CNBD1: variants seen among roughly 807,000 people sequenced by gnomAD.
The protein encoded by CNBD1 is cyclic nucleotide-binding domain-containing protein 1.
Under a neutral mutation model 54.4 loss-of-function variants are expected in CNBD1, and 71 were observed. That is an observed-to-expected ratio of 1.30 (90% CI 1.08 to 1.59). CNBD1 has a LOEUF of 1.59. Ranked by LOEUF, CNBD1 falls within the 40% of genes most tolerant of loss-of-function variation. The pLI is 0.00. For missense variants in CNBD1, 659 were observed against 518.0 expected (o/e 1.27, Z -2.64); for synonymous variants, 182 against 170.7 (o/e 1.07, Z -0.51).
intron 2 of CNBD1, among the ~76,000 whole-genome samples, chr8:87,405,107 G>T (rs1403225428): frequency 6.6e-6 from 1 of 151,920 alleles, no homozygotes; most frequent in Non-Finnish European, 1.5e-5. Context: ...TGATTCTGTC[G>T]AAAGTTGTAC....
intron 3 of CNBD1, among the ~76,000 whole-genome samples, chr8:86,923,884 C>G (rs1197381513): frequency 1.3e-5 from 2 of 152,138 alleles, no homozygotes; most frequent in African/African-American, 4.8e-5. Flanking sequence ...AAAGGGAGAG[C>G]TTTACACTTT....
intron 4 of CNBD1, among the ~76,000 whole-genome samples, chr8:86,995,378 C>A (rs1480917908): frequency 2.0e-5 from 3 of 152,112 alleles, no homozygotes; most frequent in African/African-American, 7.2e-5. Flanking sequence ...GGTAAATCAA[C>A]AAGTGAGAGT....
intron 5 of CNBD1, among the ~76,000 whole-genome samples, chr8:87,218,008 G>A (rs886599662): frequency 1.3e-5 from 2 of 152,030 alleles, no homozygotes; most frequent in Non-Finnish European, 2.9e-5. Flanking sequence ...TCTTTTGGTG[G>A]TATAGGTGCT....
Position 87,398,233 on chromosome 8 carries a change from G to A in CNBD1, c.214-30313G>A, listed in dbSNP as rs565084974. 4.8e-5 allele frequency among the ~76,000 whole-genome samples: 6 copies of A among 125,938 alleles called. No individual in the cohort carries two copies. In the East Asian group the frequency reaches 8.1e-4, roughly 17 times the overall value. 82.6% of individuals were successfully genotyped at this position (125,938 alleles called of 152,430 possible). A position where few individuals can be genotyped will look rare whatever the true frequency, so the allele number is the denominator to read the frequency against. On this transcript the variant is annotated intron_variant, in intron 2 of 7. Transcript: ENST00000521593. ...TTATTTTCTTATAAATCTATTTTCT[G>A]GAGATATCTAAGCATTCATGTATAG...
intron 6 of CNBD1, among the ~76,000 whole-genome samples, chr8:87,255,982 TATATATATATATATATATATATATATATA>T (rs1808000850): frequency 1.1e-4 from 1 of 9,064 alleles, no homozygotes; most frequent in Non-Finnish European, 2.0e-4. Flanking sequence ...AATATATATA[TATATATATATATATATATATATATATATA>T]TATATTTTTT....
intron 4 of CNBD1, among the ~76,000 whole-genome samples, chr8:87,161,641 T>G (rs1205151468): frequency 6.6e-6 from 1 of 152,200 alleles, no homozygotes; most frequent in South Asian, 2.1e-4. Context: ...AATAATAAAT[T>G]TGATGAGTTT....
Position 87,219,045 on chromosome 8 carries a change from T to C in CNBD1, c.577+12907T>C, listed in dbSNP as rs980130867. Among the ~76,000 whole-genome samples, 18 of 152,106 alleles carry C rather than the reference T, an allele frequency of 1.2e-4. No individual in the cohort carries two copies. In the East Asian group the frequency reaches 3.1e-3, roughly 26 times the overall value. On this transcript the variant is annotated intron_variant, in intron 5 of 10. Transcript: ENST00000518476. ...ATAATAAGAAACTGTTTTCCTTCTC[T>C]GGAAATTTTTAATGTAAACAAAATA...
intron 3 of CNBD1, among the ~76,000 whole-genome samples, chr8:86,910,051 T>C (rs1406370012): frequency 1.3e-5 from 2 of 152,200 alleles, no homozygotes; most frequent in African/African-American, 4.8e-5. Context: ...AATAATAATT[T>C]AAGCACGATT....
At chr8:86,925,263 G>C (rs187840664) in intron 3 of CNBD1, among the ~76,000 whole-genome samples, 3 of 152,226 alleles carry the variant, frequency 2.0e-5, no homozygotes, top group South Asian at 2.1e-4. Context: ...TATTTCCCTC[G>C]TTTGGTACTA....
intron 2 of CNBD1, among the ~76,000 whole-genome samples, chr8:87,402,159 A>C (rs562798757): frequency 2.0e-5 from 3 of 152,066 alleles, no homozygotes; most frequent in Non-Finnish European, 4.4e-5. Context: ...CCTTTTATAA[A>C]ACCATCAAAT....
At chr8:87,088,059 A>T (rs1253227336) in intron 4 of CNBD1, among the ~76,000 whole-genome samples, 3 of 152,232 alleles carry the variant, frequency 2.0e-5, no homozygotes. Flanking sequence ...CTGCAGTAAT[A>T]CATTGATGGC....
At chr8:87,103,812 C>T (rs892289221) in intron 4 of CNBD1, among the ~76,000 whole-genome samples, 2 of 152,082 alleles carry the variant, frequency 1.3e-5, no homozygotes, top group Non-Finnish European at 2.9e-5. Context: ...AAAATGTAGA[C>T]AAAATGGATC....
chr8:87,025,906 A>G (rs959292602), intron 4 of CNBD1, among the ~76,000 whole-genome samples: 3 of 152,198 alleles, frequency 2.0e-5, no homozygotes, highest in Non-Finnish European at 4.4e-5. Context: ...CACAGGATGA[A>G]TTGATGAGGA....
At chr8:87,072,453 C>T (rs1810778553) in intron 4 of CNBD1, among the ~76,000 whole-genome samples, 1 of 152,090 alleles carries the variant, frequency 6.6e-6, no homozygotes, top group Non-Finnish European at 1.5e-5. Flanking sequence ...AACAGTTTTT[C>T]CTTTCCACTT....
At chr8:87,134,998 T>C (rs1252934458) in intron 4 of CNBD1, among the ~76,000 whole-genome samples, 1 of 152,156 alleles carries the variant, frequency 6.6e-6, no homozygotes, top group Middle Eastern at 3.2e-3. Flanking sequence ...TTATTAATGT[T>C]CACACTTAGA....
At chr8:86,884,084 G>A (rs955881463) in intron 1 of CNBD1, among the ~76,000 whole-genome samples, 31 of 151,372 alleles carry the variant, frequency 2.0e-4, no homozygotes, top group Non-Finnish European at 4.4e-4. Flanking sequence ...CCCGGGAGGC[G>A]GAGCTTGCAG....
chr8:87,330,349 T>C (rs979532793), intron 8 of CNBD1, among the ~76,000 whole-genome samples: 1 of 151,828 alleles, frequency 6.6e-6, no homozygotes, highest in Non-Finnish European at 1.5e-5. Flanking sequence ...ATTTTATTAA[T>C]TTTGGCTCTC....
intron 4 of CNBD1, among the ~76,000 whole-genome samples, chr8:87,011,664 T>C (rs1341888026): frequency 6.6e-6 from 1 of 152,138 alleles, no homozygotes; most frequent in African/African-American, 2.4e-5. Context: ...ATAAAAAGCA[T>C]TTTAATTTAA....
chr8:86,943,211 T>C (rs1280623737), intron 4 of CNBD1, among the ~76,000 whole-genome samples: 1 of 151,666 alleles, frequency 6.6e-6, no homozygotes, highest in Non-Finnish European at 1.5e-5. Flanking sequence ...TGAAACTCCA[T>C]CTCTATTAAA....
Sources: gnomAD v4.1 joint callset for allele counts (sites outside exome capture counted in the v4.1 genomes callset) on GRCh38, gnomAD v4.1.1 for gene constraint, MANE v1.5 for transcripts, NCBI Gene and HGNC (gene_info 2026-07-23, HGNC 2026-07-21) for gene names.